SERHL2: variants seen among roughly 807,000 people sequenced by gnomAD.
The protein encoded by SERHL2 is serine hydrolase-like protein 2.
Under a neutral mutation model 25.5 loss-of-function variants are expected in SERHL2, and 29 were observed. The observed-to-expected ratio is 1.14, with a 90% CI of 0.85 to 1.55. SERHL2 has a LOEUF of 1.55. Ranked by LOEUF, SERHL2 falls within the 40% of genes most tolerant of loss-of-function variation. The pLI is 0.00. For missense variants in SERHL2, 240 were observed against 252.3 expected (o/e 0.95, Z 0.33); for synonymous variants, 95 against 103.5 (o/e 0.92, Z 0.50).
chr22:42,562,620 G>C (rs1056515360), intron 8 of SERHL2, among the ~76,000 whole-genome samples: 2 of 151,858 alleles, frequency 1.3e-5, no homozygotes, highest in East Asian at 1.9e-4. Flanking sequence ...GGAAGGTCTG[G>C]GTGGGCCTCA....
At chr22:42,559,733 AG>A (rs1218631420) in intron 7 of SERHL2, among the ~76,000 whole-genome samples, 1 of 151,762 alleles carries the variant, frequency 6.6e-6, no homozygotes, top group Non-Finnish European at 1.5e-5. Flanking sequence ...AGAAAAAAAA[AG>A]AAAAAAAAAT....
rs1407181640 is a variant in SERHL2, at chr22:42,574,362, TAAAAG to T, written c.*308_*312del. The T allele has an allele frequency of 7.9e-6, 4 of 505,944 alleles. No individual in the cohort carries two copies. The highest frequency in any genetic ancestry group is 7.7e-5 in the African/African-American group (4 of 51,800). The allele number at this position is 505,944 out of a possible 1,614,324, so 31.3% of individuals were successfully genotyped here. ...CCCTGCTGCCCAACTGGATGGAAAA[TAAAAG>T]GTTCTTGTATTCTCACTGCTTTTGA... is the stretch of plus-strand genomic sequence containing the variant. On this transcript the variant is annotated 3_prime_UTR_variant, in exon 12 of 12. Transcript: ENST00000327678.
rs182618601 is a variant in SERHL2 at position 42,572,055 on chromosome 22, A to G, written c.732-381A>G. ...TGACGATGGTCTCACAACTCAATGTATTAAAAACCACAGAATTGTAGACTA... is the reference window on the plus strand; with the variant it reads ...TGACGATGGTCTCACAACTCAATGTGTTAAAAACCACAGAATTGTAGACTA... On this transcript the variant is annotated intron_variant, in intron 10 of 11. Coordinates refer to ENST00000327678, the MANE Select transcript of SERHL2 (RefSeq NM_014509.5). Among the ~76,000 whole-genome samples the G allele has an allele frequency of 3.9e-4, 59 of 152,124 alleles. 1 individual carries two copies. In the South Asian group the frequency reaches 8.3e-3, roughly 21 times the overall value.
In SERHL2 at chr22:42,571,213, G is replaced by A; in HGVS notation, c.731+10G>A. ...ATGTCCTGTTGATCAAGTAAGTCTG[G>A]ACCCATCCCCTTCAGCCACCCGCCA... On this transcript the variant is annotated intron_variant, in intron 10 of 11. Coordinates refer to ENST00000327678, the MANE Select transcript of SERHL2 (RefSeq NM_014509.5). 6.2e-7 allele frequency: 1 copy of A among 1,612,500 alleles called. No individual in the cohort carries two copies. The highest frequency in any genetic ancestry group is 8.5e-7 in the Non-Finnish European group (1 of 1,179,184).
chr22:42,570,081 G>A (rs1400804648), intron 9 of SERHL2: 1 of 152,054 alleles, frequency 6.6e-6, no homozygotes, highest in Non-Finnish European at 1.5e-5. Context: ...ACAGTGCAAT[G>A]GAAGCAAAGC....
rs1167060943 is a variant in SERHL2 at position 42,574,175 on chromosome 22, A to C, written c.*120A>C. On this transcript the variant is annotated 3_prime_UTR_variant, in exon 12 of 12. Coordinates refer to ENST00000327678, the MANE Select transcript of SERHL2 (RefSeq NM_014509.5). ...ACAGGCCTCACTAGTCTTGAGGCCC[A>C]GCCTAGGATGGTAGTCAGGGGAAGG... The C allele has an allele frequency of 1.2e-6, 1 of 846,630 alleles. No individual in the cohort carries two copies. The allele number at this position is 846,630 out of a possible 1,614,324, so 52.4% of individuals were successfully genotyped here. A position where few individuals can be genotyped will look rare whatever the true frequency, so the allele number is the denominator to read the frequency against.
In SERHL2 at chr22:42,574,053, T is replaced by C. The variant is rs1333456880; in HGVS notation, c.943T>C (p.Ter315GlnextTer19). The C allele has an allele frequency of 6.2e-7, 1 of 1,612,542 alleles. No homozygotes were observed. ...CACACACATGCTCCCAGCCCAGCTG[T>C]AGCTCTGGGCCTGGAACTATGAAGA... ...QCTHMLPAQL[*>Q] The change falls in exon 12 of 12, where the codon TAG becomes CAG. Residue 315 changes from the stop codon to glutamine (Q), a stop_lost. Coordinates refer to ENST00000327678, the MANE Select transcript of SERHL2 (RefSeq NM_014509.5).
intron 9 of SERHL2, 24 bp from the exon 10 acceptor site, chr22:42,571,097 T>G (rs1410628463): frequency 1.9e-6 from 3 of 1,613,068 alleles, no homozygotes; most frequent in South Asian, 2.2e-5. Flanking sequence ...GTGACGAGAA[T>G]TCACCATGTT....
chr22:42,567,670 CAAA>C (rs1010111429), intron 9 of SERHL2, among the ~76,000 whole-genome samples: 2,059 of 131,664 alleles, frequency 0.016, 46 homozygotes, highest in African/African-American at 0.056. Flanking sequence ...GACTCCATGT[CAAA>C]AAAAAAATAA....
At chr22:42,565,477 C>T (rs2146713735) in intron 8 of SERHL2, 1 of 152,134 alleles carries the variant, frequency 6.6e-6, no homozygotes, top group African/African-American at 2.4e-5. Flanking sequence ...AGGCACCTGC[C>T]ACTACGCCCA....
Position 42,554,055 on chromosome 22 carries a change from G to A in SERHL2, c.22+13G>A. 2 of 1,613,032 alleles carry A rather than the reference G, an allele frequency of 1.2e-6. No individual in the cohort carries two copies. Among genetic ancestry groups the A allele is most frequent in the Non-Finnish European group, 8.5e-7 (1 of 1,179,544 alleles). On this transcript the variant is annotated intron_variant, in intron 1 of 11. Transcript: ENST00000327678. ...AACGCCGCACCAGGTCTGACGGGGA[G>A]GCCTTGTGCGAGCGTCCCACTGCCC...
intron 9 of SERHL2, among the ~76,000 whole-genome samples, chr22:42,567,581 G>T (rs1009753123): frequency 7.9e-5 from 12 of 151,590 alleles, no homozygotes; most frequent in African/African-American, 2.9e-4. Context: ...GGAGAATGGC[G>T]TGAACCCGGG....
chr22:42,566,461 G>C (rs1030023916), intron 9 of SERHL2, 123 bp downstream of exon 9: 2 of 934,540 alleles, frequency 2.1e-6, no homozygotes, highest in African/African-American at 3.2e-5. Flanking sequence ...AGGAGGCTGA[G>C]GCAGGACAAT....
chr22:42,572,640 A>G lies in SERHL2; in HGVS notation c.825+111A>G, dbSNP rs1924393397. 7 of 1,468,632 alleles carry G rather than the reference A, an allele frequency of 4.8e-6. 1 individual carries two copies. The highest frequency in any genetic ancestry group is 2.5e-5 in the East Asian group (1 of 40,514). 91.0% of individuals were successfully genotyped at this position (1,468,632 alleles called of 1,614,324 possible). A position where few individuals can be genotyped will look rare whatever the true frequency, so the allele number is the denominator to read the frequency against. On this transcript the variant is annotated intron_variant, in intron 11 of 11. Transcript: ENST00000327678. ...GACCCTGGGTCTGCCCCCAGGCCCA[A>G]CAAGTGACCACCAGGATCTATCAGG...
At chr22:42,566,259 T>C in intron 8 of SERHL2, 45 bp from the exon 9 acceptor site, 2 of 1,597,918 alleles carry the variant, frequency 1.3e-6, no homozygotes, top group Non-Finnish European at 1.7e-6. Flanking sequence ...CCCCTGACCC[T>C]GATGGACAGC....
intron 10 of SERHL2, 36 bp downstream of exon 10, chr22:42,571,239 A>C (rs1334263873): frequency 6.2e-7 from 1 of 1,607,258 alleles, no homozygotes; most frequent in African/African-American, 1.3e-5. Context: ...CCACCCGCCA[A>C]GGAGACATGG....
chr22:42,571,245 C>T (rs775434943), intron 10 of SERHL2, 42 bp downstream of exon 10: 15 of 1,608,060 alleles, frequency 9.3e-6, no homozygotes, highest in Non-Finnish European at 1.2e-5. Context: ...GCCAAGGAGA[C>T]ATGGGCGCCA....
chr22:42,570,402 G>A (rs916901104), intron 9 of SERHL2, among the ~76,000 whole-genome samples: 2 of 152,008 alleles, frequency 1.3e-5, no homozygotes, highest in African/African-American at 4.8e-5. Flanking sequence ...CGGGCACCAA[G>A]AGCAAAACTC....
chr22:42,572,837 A>C (rs1601863462), intron 11 of SERHL2: 1 of 451,200 alleles, frequency 2.2e-6, no homozygotes, highest in Non-Finnish European at 2.9e-6. Context: ...GCTAATTTTT[A>C]TATTTTATAT....
Sources: gnomAD v4.1 joint callset for allele counts (sites outside exome capture counted in the v4.1 genomes callset) on GRCh38, gnomAD v4.1.1 for gene constraint, MANE v1.5 for transcripts, NCBI Gene and HGNC (gene_info 2026-07-23, HGNC 2026-07-21) for gene names.